Variants in EZH2 observed in about 807,000 individuals in gnomAD.
EZH2 encodes enhancer of zeste 2 polycomb repressive complex 2 subunit, also known as histone-lysine N-methyltransferase EZH2.
A neutral mutation model predicts 98.4 loss-of-function variants in EZH2; 18 were observed. The observed-to-expected ratio is 0.18, with a 90% CI of 0.13 to 0.27. The LOEUF is 0.27. Ranked by LOEUF, EZH2 falls within the 10% of genes least tolerant of loss-of-function variation. The pLI is 1.00. For missense variants in EZH2, 470 were observed against 935.1 expected, an observed-to-expected ratio of 0.50 and a Z score of 6.49; for synonymous variants, 338 against 312.3, an observed-to-expected ratio of 1.08 and a Z score of -0.87.
At position 148,814,141 on chromosome 7, in the gene EZH2, C is replaced by G. The variant is rs746659579; in HGVS notation, c.1673-4G>C. The stretch of plus-strand genomic sequence containing the variant: ...CATCCCGGAAAGCGGTTTTGACCTT[C>G]AGAGAGAGGTTTGGAGGTTCTTCAC... On this transcript the variant is annotated splice_polypyrimidine_tract_variant and splice_region_variant and intron_variant, in intron 14 of 19. Coordinates refer to ENST00000320356, the MANE Select transcript of EZH2 (RefSeq NM_004456.5). 1.2e-6 allele frequency: 2 copies of G among 1,612,690 alleles called. No individual in the cohort carries two copies. The highest frequency in any genetic ancestry group is 1.1e-5 in the South Asian group (1 of 90,852).
At chr7:148,818,861 T>C (rs1805274085) in intron 9 of EZH2, 1 of 351,586 alleles carries the variant, frequency 2.8e-6, no homozygotes, top group Admixed American at 3.8e-5. Context: ...AAGAATATTA[T>C]AAAACAAGTG....
At chr7:148,867,084 T>C (rs986257898) in intron 1 of EZH2, among the ~76,000 whole-genome samples, 7 of 150,240 alleles carry the variant, frequency 4.7e-5, no homozygotes, top group Admixed American at 6.6e-5. Context: ...CCCAGCACTT[T>C]GGGAAGCCGA....
At chr7:148,857,519 A>C (rs1344993611) in intron 1 of EZH2, among the ~76,000 whole-genome samples, 1 of 152,206 alleles carries the variant, frequency 6.6e-6, no homozygotes, top group Non-Finnish European at 1.5e-5. Flanking sequence ...TGGGAGGCTG[A>C]GGCAGGCGGA....
At chr7:148,868,625 T>C (rs914614040) in intron 1 of EZH2, among the ~76,000 whole-genome samples, 1 of 152,044 alleles carries the variant, frequency 6.6e-6, no homozygotes, top group East Asian at 1.9e-4. Context: ...AACTTCCATA[T>C]GGGAAAAGAA....
At chr7:148,821,115 G>T (rs1805946644) in intron 8 of EZH2, 1 of 123,902 alleles carries the variant, frequency 8.1e-6, no homozygotes, top group Non-Finnish European at 1.6e-5. Context: ...AATAAATAAA[G>T]TAGGTAGAAA....
At chr7:148,871,713 T>C (rs1405498574) in intron 1 of EZH2, among the ~76,000 whole-genome samples, 1 of 151,872 alleles carries the variant, frequency 6.6e-6, no homozygotes, top group East Asian at 1.9e-4. Flanking sequence ...TAGCTGAAAC[T>C]ACAGGCGCAT....
chr7:148,822,565 A>G lies in EZH2; in HGVS notation c.908-2878T>C, dbSNP rs185126508. On this transcript the variant is annotated intron_variant, in intron 8 of 19. Transcript: ENST00000320356. ...GGACTTTTACCAAATAAACTTGAAAAAAATTGCAACTCATATTTCAAAAAA... is the reference window on the plus strand; with the variant it reads ...GGACTTTTACCAAATAAACTTGAAAGAAATTGCAACTCATATTTCAAAAAA... 3.8e-3 allele frequency among the ~76,000 whole-genome samples: 585 copies of G among 152,178 alleles called. 4 individuals carry two copies. The highest frequency in any genetic ancestry group is 0.012 in the South Asian group (58 of 4,820).
rs571460594 is a variant in EZH2, at chr7:148,833,149, TCTTA to T, written c.247-403_247-400del. On this transcript the variant is annotated intron_variant, in intron 3 of 19. Transcript: ENST00000320356. Reference sequence around the variant, plus strand: ...ATGTATACCAAATAAGCCACTTAAATCTTACTTAATAAGAATAAGAAAACTTGGG... The same window carrying T: ...ATGTATACCAAATAAGCCACTTAAATCTTAATAAGAATAAGAAAACTTGGG... Among the ~76,000 whole-genome samples the T allele has an allele frequency of 3.8e-3, 586 of 152,314 alleles. 2 individuals are homozygous for T. The highest frequency in any genetic ancestry group is 0.013 in the African/African-American group (549 of 41,572).
At chr7:148,815,101 A>C in intron 13 of EZH2, 62 bp from the exon 14 acceptor site, 1 of 1,577,118 alleles carries the variant, frequency 6.3e-7, no homozygotes, top group Non-Finnish European at 8.6e-7. Context: ...ATCATACACA[A>C]TTAACACGAG....
intron 6 of EZH2, among the ~76,000 whole-genome samples, 166 bp downstream of exon 6, chr7:148,828,574 C>T (rs1388082983): frequency 6.6e-6 from 1 of 152,078 alleles, no homozygotes; most frequent in East Asian, 1.9e-4. Flanking sequence ...CAGAGTTAGC[C>T]ACCCTACCTG....
Position 148,858,495 on chromosome 7 carries a change from AG to A in EZH2, c.-7-11191del, listed in dbSNP as rs201317441. Among the ~76,000 whole-genome samples the A allele has an allele frequency of 6.9e-3, 1,045 of 152,134 alleles. 16 individuals carry two copies. Among genetic ancestry groups the A allele is most frequent in the African/African-American group, 0.024 (993 of 41,498 alleles). ...TAAATCTTAACTTCAAAGGAATTTG[AG>A]GAAAAAAACTCCCAAATATAATTCT... On this transcript the variant is annotated intron_variant, in intron 1 of 19. Coordinates refer to ENST00000320356, the MANE Select transcript of EZH2 (RefSeq NM_004456.5).
chr7:148,816,883 T>C lies in EZH2; in HGVS notation c.1411-105A>G. 3 of 787,878 alleles carry C rather than the reference T, an allele frequency of 3.8e-6. No homozygotes were observed. In the East Asian group the frequency reaches 7.6e-5, roughly 20 times the overall value. 48.8% of individuals were successfully genotyped at this position (787,878 alleles called of 1,614,324 possible). ...AATGTCTTTGTCTCTTCTGTGACAC[T>C]GCTAGATGCTGGGGATATAACACAC... On this transcript the variant is annotated intron_variant, in intron 11 of 19. Coordinates refer to ENST00000320356, the MANE Select transcript of EZH2 (RefSeq NM_004456.5).
At chr7:148,870,690 T>C (rs1819229829) in intron 1 of EZH2, among the ~76,000 whole-genome samples, 1 of 145,844 alleles carries the variant, frequency 6.9e-6, no homozygotes, top group African/African-American at 2.6e-5. Context: ...AGTGGGACTC[T>C]GTCTCAAAAA....
intron 1 of EZH2, among the ~76,000 whole-genome samples, chr7:148,870,587 C>T (rs538543983): frequency 5.3e-5 from 8 of 151,394 alleles, no homozygotes; most frequent in Admixed American, 1.3e-4. Flanking sequence ...CCTGTAATCC[C>T]AGATACCTGA....
At chr7:148,863,003 G>A (rs1817919600) in intron 1 of EZH2, among the ~76,000 whole-genome samples, 1 of 149,866 alleles carries the variant, frequency 6.7e-6, no homozygotes. Context: ...AGAATCACTT[G>A]AACCTGGGAG....
intron 5 of EZH2, 75 bp from the exon 6 acceptor site, chr7:148,828,955 G>C (rs1417123760): frequency 7.0e-7 from 1 of 1,418,724 alleles, no homozygotes; most frequent in East Asian, 2.5e-5. Flanking sequence ...TTTTCTACTT[G>C]GACAAAACAG....
chr7:148,872,996 A>G (rs1300447030), intron 1 of EZH2, among the ~76,000 whole-genome samples: 5 of 152,096 alleles, frequency 3.3e-5, no homozygotes, highest in African/African-American at 9.7e-5. Flanking sequence ...GGCAACATAT[A>G]AGACCCCAAC....
At chr7:148,834,229 G>A (rs1554503360) in intron 3 of EZH2, among the ~76,000 whole-genome samples, 1 of 151,972 alleles carries the variant, frequency 6.6e-6, no homozygotes, top group Non-Finnish European at 1.5e-5. Flanking sequence ...CTGCCCAGGT[G>A]TAAGTCCTCC....
intron 1 of EZH2, among the ~76,000 whole-genome samples, chr7:148,883,731 A>C (rs1409491406): frequency 6.6e-6 from 1 of 151,330 alleles, no homozygotes; most frequent in Non-Finnish European, 1.5e-5. Flanking sequence ...GCTGGGTCCC[A>C]CCAACTTGTG....
Sources: allele counts gnomAD v4.1 joint callset (sites outside exome capture counted in the v4.1 genomes callset), GRCh38; gene constraint gnomAD v4.1.1; transcripts MANE v1.5; gene names NCBI Gene and HGNC (gene_info 2026-07-23, HGNC 2026-07-21).